The following ERC2 variants were observed in gnomAD, a reference collection of about 807,000 sequenced individuals.
ERC2 encodes ERC protein 2.
A neutral mutation model predicts 114.8 loss-of-function variants in ERC2; 42 were observed. The observed-to-expected ratio is 0.37, with a 90% CI of 0.29 to 0.47. The LOEUF is 0.47. Among genes scored for constraint, ERC2 ranks in the 20% least tolerant of loss-of-function variants. The pLI is 0.99. For synonymous variants in ERC2, 454 were observed against 425.5 expected (o/e 1.07, Z -0.82); for missense variants, 939 against 1,150.7 (o/e 0.82, Z 2.66).
At chr3:56,375,435 T>C (rs79138616) in intron 2 of ERC2, among the ~76,000 whole-genome samples, 2,819 of 152,296 alleles carry the variant, frequency 0.019, 90 homozygotes, top group African/African-American at 0.065. Context: ...AGAATTTTTG[T>C]TGAGGTTGAG....
intron 17 of ERC2, among the ~76,000 whole-genome samples, chr3:55,664,492 G>T (rs966021228): frequency 6.6e-6 from 1 of 152,182 alleles, no homozygotes; most frequent in Non-Finnish European, 1.5e-5. Context: ...TCCTGAGCCC[G>T]AGCTCACGAA....
chr3:56,349,731 C>T (rs1351316355), intron 2 of ERC2, among the ~76,000 whole-genome samples: 2 of 151,970 alleles, frequency 1.3e-5, no homozygotes, highest in African/African-American at 4.8e-5. Context: ...ATGGTGAAAC[C>T]CCATCTCTAC....
chr3:56,086,559 A>C (rs1040065118), intron 6 of ERC2, among the ~76,000 whole-genome samples: 2 of 151,502 alleles, frequency 1.3e-5, no homozygotes, highest in African/African-American at 4.9e-5. Flanking sequence ...ACATTAGCCC[A>C]GTGTGCAGTA....
At chr3:55,772,690 A>G (rs567738857) in intron 14 of ERC2, among the ~76,000 whole-genome samples, 1 of 152,200 alleles carries the variant, frequency 6.6e-6, no homozygotes, top group South Asian at 2.1e-4. Flanking sequence ...AAGCTTTTAT[A>G]TTCATCAGCA....
intron 13 of ERC2, among the ~76,000 whole-genome samples, chr3:55,913,179 C>T (rs2064909977): frequency 6.6e-6 from 1 of 152,044 alleles, no homozygotes; most frequent in African/African-American, 2.4e-5. Flanking sequence ...ACAGGTCTTG[C>T]TATGTTGTCC....
intron 13 of ERC2, among the ~76,000 whole-genome samples, chr3:55,899,869 A>T (rs1304998349): frequency 6.6e-6 from 1 of 152,228 alleles, no homozygotes; most frequent in East Asian, 1.9e-4. Flanking sequence ...TTACAAAAAG[A>T]GTAATTAAAC....
chr3:55,559,764 A>C (rs370632637), intron 17 of ERC2, among the ~76,000 whole-genome samples: 1 of 152,214 alleles, frequency 6.6e-6, no homozygotes, highest in Non-Finnish European at 1.5e-5. Flanking sequence ...AAGAGAGATT[A>C]ATTTCTTTTT....
intron 3 of ERC2, among the ~76,000 whole-genome samples, chr3:56,192,482 T>G (rs747980799): frequency 3.3e-5 from 5 of 152,198 alleles, no homozygotes; most frequent in Non-Finnish European, 5.9e-5. Flanking sequence ...AAGCAAGCCT[T>G]ACATCAATCC....
intron 13 of ERC2, among the ~76,000 whole-genome samples, chr3:55,935,228 G>A (rs1310596592): frequency 6.6e-6 from 1 of 152,200 alleles, no homozygotes; most frequent in Non-Finnish European, 1.5e-5. Flanking sequence ...CTCTTGCATG[G>A]CTTTCAAGGT....
chr3:56,017,157 A>G (rs549432572), intron 8 of ERC2, among the ~76,000 whole-genome samples: 2 of 152,246 alleles, frequency 1.3e-5, no homozygotes, highest in African/African-American at 4.8e-5. Context: ...CAACCAACAA[A>G]CAAGCCGTCC....
intron 6 of ERC2, among the ~76,000 whole-genome samples, chr3:56,103,302 A>T (rs1328036528): frequency 6.6e-6 from 1 of 152,140 alleles, no homozygotes; most frequent in Non-Finnish European, 1.5e-5. Flanking sequence ...GATACAGATG[A>T]ACTGGGCCAT....
At chr3:55,736,972 C>A (rs1359948837) in intron 14 of ERC2, among the ~76,000 whole-genome samples, 1 of 152,138 alleles carries the variant, frequency 6.6e-6, no homozygotes, top group Admixed American at 6.6e-5. Flanking sequence ...TGTGTCTCTT[C>A]TGAAACATTC....
At chr3:56,329,240 A>C (rs2057499152) in intron 2 of ERC2, among the ~76,000 whole-genome samples, 1 of 152,248 alleles carries the variant, frequency 6.6e-6, no homozygotes, top group Admixed American at 6.5e-5. Context: ...GGGTTAAGAA[A>C]TGCCTTTATT....
chr3:56,354,910 T>C (rs904502716), intron 2 of ERC2, among the ~76,000 whole-genome samples: 2 of 152,208 alleles, frequency 1.3e-5, no homozygotes, highest in Non-Finnish European at 2.9e-5. Flanking sequence ...CCGGCACCTG[T>C]ATGTTTGAAT....
intron 14 of ERC2, among the ~76,000 whole-genome samples, chr3:55,753,450 C>T (rs1003431510): frequency 5.3e-5 from 8 of 152,170 alleles, no homozygotes; most frequent in Non-Finnish European, 1.0e-4. Context: ...AACTGCAAAA[C>T]CCCACAGGAA....
In ERC2 at chr3:56,296,214, C is replaced by T. The variant is rs61748862; in HGVS notation, c.879G>A (p.Thr293=). 1.1e-4 allele frequency: 181 copies of T among 1,613,958 alleles called. No homozygotes were observed. In the African/African-American group the frequency reaches 2.1e-3, roughly 18 times the overall value. ...CTCGGGCATTGAGGGTTTGTTTCTG[C>T]GTTTCAATTCTCAGCTCCATTTCCT... The part of the protein sequence containing the change: ...TLEEMELRIE[T]QKQTLNARDE... Residue 293 remains threonine, a synonymous_variant, in exon 3 of 18, where the codon ACG becomes ACA. Transcript: ENST00000288221.
At chr3:56,332,716 T>C (rs1233640253) in intron 2 of ERC2, among the ~76,000 whole-genome samples, 2 of 152,240 alleles carry the variant, frequency 1.3e-5, no homozygotes, top group Non-Finnish European at 2.9e-5. Flanking sequence ...TCTTAAATTA[T>C]ATTTCCAGTT....
chr3:55,988,331 C>T (rs7628577), intron 11 of ERC2, among the ~76,000 whole-genome samples: 49,842 of 152,054 alleles, frequency 0.33, 8,784 homozygotes, highest in East Asian at 0.49. Context: ...GAGCTGCCTG[C>T]AGTCCAAGGC....
intron 17 of ERC2, among the ~76,000 whole-genome samples, chr3:55,564,273 A>G (rs2056224313): frequency 6.6e-6 from 1 of 152,218 alleles, no homozygotes; most frequent in African/African-American, 2.4e-5. Flanking sequence ...GAGGAAATGA[A>G]AAAGCTTGGA....
Sources: gnomAD v4.1 joint callset for allele counts (sites outside exome capture counted in the v4.1 genomes callset) on GRCh38, gnomAD v4.1.1 for gene constraint, MANE v1.5 for transcripts, NCBI Gene and HGNC (gene_info 2026-07-23, HGNC 2026-07-21) for gene names.